NUDT4: variants seen among roughly 807,000 people sequenced by gnomAD.
NUDT4 encodes diphosphoinositol polyphosphate phosphohydrolase 2.
In NUDT4, 5 loss-of-function variants were observed where a neutral mutation model predicts 23.1. The ratio of observed to expected loss-of-function variants is 0.22; its 90% CI spans 0.11 to 0.46. NUDT4 has a LOEUF of 0.46. Among genes scored for constraint, NUDT4 ranks in the 20% least tolerant of loss-of-function variants. The probability of loss-of-function intolerance (pLI) is 0.99; values close to 1 mark genes in which losing one functional copy is unlikely to be tolerated. For synonymous variants in NUDT4, 50 were observed against 79.0 expected, an observed-to-expected ratio of 0.63 and a Z score of 1.95; for missense variants, 96 against 211.6, an observed-to-expected ratio of 0.45 and a Z score of 3.39.
At position 93,407,849 on chromosome 12, in the gene NUDT4, C is replaced by T. The variant is rs996466790; in HGVS notation, c.*8470C>T. On this transcript the variant is annotated 3_prime_UTR_variant, in exon 5 of 5. Coordinates refer to ENST00000415493, the MANE Select transcript of NUDT4 (RefSeq NM_019094.6). Reference sequence around the variant, plus strand: ...AAGGCTCAGTCAACACACTGGCACTCGTTTCATCCCACTGGTTGAGAAAGC... The same window carrying T: ...AAGGCTCAGTCAACACACTGGCACTTGTTTCATCCCACTGGTTGAGAAAGC... 2 of 152,118 alleles carry T rather than the reference C, an allele frequency of 1.3e-5. No individual in the cohort carries two copies. Among genetic ancestry groups the T allele is most frequent in the African/African-American group, 4.8e-5 (2 of 41,414 alleles). The allele number at this position is 152,118 out of a possible 1,614,324, so 9.4% of individuals were successfully genotyped here.
intron 1 of NUDT4, among the ~76,000 whole-genome samples, chr12:93,388,469 C>T (rs911539741): frequency 1.3e-4 from 20 of 152,162 alleles, no homozygotes; most frequent in African/African-American, 3.9e-4. Flanking sequence ...AGATAAGGAA[C>T]AAAATCAGCA....
chr12:93,407,565 G>C lies in NUDT4; in HGVS notation c.*8186G>C, dbSNP rs576250034. 21 of 152,360 alleles carry C rather than the reference G, an allele frequency of 1.4e-4. No individual in the cohort carries two copies. Among genetic ancestry groups the C allele is most frequent in the African/African-American group, 4.8e-4 (20 of 41,586 alleles). 9.4% of individuals were successfully genotyped at this position (152,360 alleles called of 1,614,324 possible). On this transcript the variant is annotated 3_prime_UTR_variant, in exon 5 of 5. Coordinates refer to ENST00000415493, the MANE Select transcript of NUDT4 (RefSeq NM_019094.6). ...ACAATGACATGCTCTTAGGGTGTCT[G>C]CTACTCAGATCCTCTCAGTTAAGTC... is the stretch of plus-strand genomic sequence containing the variant.
At chr12:93,378,834 C>T in intron 1 of NUDT4, 1 of 975,746 alleles carries the variant, frequency 1.0e-6, no homozygotes, top group Non-Finnish European at 1.2e-6. Flanking sequence ...TACATATTTT[C>T]CTTCCATGTT....
chr12:93,387,665 CT>C (rs1377859825), intron 1 of NUDT4, among the ~76,000 whole-genome samples: 3 of 152,250 alleles, frequency 2.0e-5, no homozygotes, highest in Non-Finnish European at 2.9e-5. Context: ...GTGATACCAA[CT>C]TTTTTTCATC....
chr12:93,382,674 C>CTTTTTTTTTTTTTTTTT lies in NUDT4; in HGVS notation c.99+4257_99+4273dup, dbSNP rs11315217. ...AAAATAAGTACTATCCAAAGGTAGC[C>CTTTTTTTTTTTTTTTTT]TTTTTTTTTTTTTTTTTTTTGAGAC... On this transcript the variant is annotated intron_variant, in intron 1 of 4. Coordinates refer to ENST00000415493, the MANE Select transcript of NUDT4 (RefSeq NM_019094.6). Among the ~76,000 whole-genome samples the CTTTTTTTTTTTTTTTTT allele has an allele frequency of 9.5e-4, 106 of 111,642 alleles. 7 individuals are homozygous for CTTTTTTTTTTTTTTTTT. The highest frequency in any genetic ancestry group is 9.2e-3 in the Middle Eastern group (2 of 218). The allele number at this position is 111,642 out of a possible 152,430, so 73.2% of individuals were successfully genotyped here.
intron 1 of NUDT4, among the ~76,000 whole-genome samples, chr12:93,381,481 A>G (rs1875656280): frequency 2.0e-5 from 3 of 152,236 alleles, no homozygotes; most frequent in Admixed American, 2.0e-4. Context: ...TTAAAAGGGG[A>G]TGAAGAGATG....
rs1262850746 is a variant in NUDT4 at position 93,378,270 on chromosome 12, G to A, written c.-53G>A. ...CTCCCCGGCGGGGTGGCGGCGGCCGGGCCCCCACGGCGGCGGCCGGAGCAG... is the reference window on the plus strand; with the variant it reads ...CTCCCCGGCGGGGTGGCGGCGGCCGAGCCCCCACGGCGGCGGCCGGAGCAG... On this transcript the variant is annotated 5_prime_UTR_variant, in exon 1 of 5. Coordinates refer to ENST00000415493, the MANE Select transcript of NUDT4 (RefSeq NM_019094.6). 2 of 721,176 alleles carry A rather than the reference G, an allele frequency of 2.8e-6. No homozygotes were observed. The highest frequency in any genetic ancestry group is 8.6e-5 in the East Asian group (2 of 23,264). The allele number at this position is 721,176 out of a possible 1,614,324, so 44.7% of individuals were successfully genotyped here.
chr12:93,385,658 G>A (rs1876004438), intron 1 of NUDT4, among the ~76,000 whole-genome samples: 1 of 148,698 alleles, frequency 6.7e-6, no homozygotes, highest in Admixed American at 6.7e-5. Flanking sequence ...TGTGTAGATG[G>A]CTGTTGTGTG....
intron 4 of NUDT4, 22 bp from the exon 5 acceptor site, chr12:93,399,155 C>T (rs1361729973): frequency 3.2e-6 from 5 of 1,576,858 alleles, no homozygotes; most frequent in Non-Finnish European, 3.5e-6. Flanking sequence ...TGTCTTGTAA[C>T]CAATGTCATT....
chr12:93,397,115 C>A (rs949175420), intron 3 of NUDT4, among the ~76,000 whole-genome samples: 1 of 152,108 alleles, frequency 6.6e-6, no homozygotes, highest in East Asian at 1.9e-4. Context: ...TAACAGCACA[C>A]GTCAATCAAA....
intron 1 of NUDT4, among the ~76,000 whole-genome samples, chr12:93,387,371 A>G (rs1365438664): frequency 2.6e-5 from 4 of 152,216 alleles, no homozygotes; most frequent in Non-Finnish European, 5.9e-5. Context: ...TTCAACAGAA[A>G]AGCTGTAATT....
intron 3 of NUDT4, among the ~76,000 whole-genome samples, chr12:93,398,278 T>C (rs146173764): frequency 5.5e-5 from 8 of 144,242 alleles, no homozygotes; most frequent in Non-Finnish European, 1.2e-4. Context: ...AGGCAGAGAT[T>C]GTGGGGGAGC....
chr12:93,395,872 C>A (rs1484611344), intron 3 of NUDT4, among the ~76,000 whole-genome samples: 1 of 152,188 alleles, frequency 6.6e-6, no homozygotes, highest in East Asian at 1.9e-4. Context: ...AGGCACGCGC[C>A]ACCACGCCCA....
At chr12:93,396,840 G>T (rs1156388991) in intron 3 of NUDT4, among the ~76,000 whole-genome samples, 3 of 152,194 alleles carry the variant, frequency 2.0e-5, no homozygotes, top group African/African-American at 7.2e-5. Context: ...AACCCGGGAG[G>T]TGGAGGTTGC....
In NUDT4 at chr12:93,378,354, C is replaced by T. The variant is rs925439663; in HGVS notation, c.32C>T (p.Thr11Ile). 1.3e-6 allele frequency: 2 copies of T among 1,527,834 alleles called. No individual in the cohort carries two copies. The highest frequency in any genetic ancestry group is 1.8e-6 in the Non-Finnish European group (2 of 1,131,276). 94.6% of individuals were successfully genotyped at this position (1,527,834 alleles called of 1,614,324 possible). MMKFKPNQTR[T>I]YDREGFKKRA... ...AAGTTCAAGCCCAACCAGACGCGGA[C>T]CTACGACCGCGAGGGCTTCAAGAAG... Residue 11 changes from threonine (T) to isoleucine (I), a missense_variant, in exon 1 of 5, where the codon ACC becomes ATC. By Grantham distance (89) the Thr-to-Ile change is moderately conservative. Coordinates refer to ENST00000415493, the MANE Select transcript of NUDT4 (RefSeq NM_019094.6).
chr12:93,378,438 C>G lies in NUDT4; in HGVS notation c.99+17C>G. 1 of 1,538,314 alleles carries G rather than the reference C, an allele frequency of 6.5e-7. No homozygotes were observed. Among genetic ancestry groups the G allele is most frequent in the Non-Finnish European group, 8.8e-7 (1 of 1,140,282 alleles). ...GAGGACGAGGTAGGGCGCCCGGCGCCGCACGCTGCCCTCCGGGGCGCCGGG... is the reference window on the plus strand; with the variant it reads ...GAGGACGAGGTAGGGCGCCCGGCGCGGCACGCTGCCCTCCGGGGCGCCGGG... On this transcript the variant is annotated intron_variant, in intron 1 of 4. Coordinates refer to ENST00000415493, the MANE Select transcript of NUDT4 (RefSeq NM_019094.6).
intron 1 of NUDT4, among the ~76,000 whole-genome samples, chr12:93,391,867 A>T (rs1876532178): frequency 6.6e-6 from 1 of 152,150 alleles, no homozygotes; most frequent in African/African-American, 2.4e-5. Context: ...ACTTTTGTTC[A>T]AATTGACTTA....
chr12:93,383,133 A>G (rs1875810431), intron 1 of NUDT4, among the ~76,000 whole-genome samples: 1 of 151,994 alleles, frequency 6.6e-6, no homozygotes, highest in Non-Finnish European at 1.5e-5. Flanking sequence ...ATTGAAAAAA[A>G]GCTTATACCC....
intron 1 of NUDT4, among the ~76,000 whole-genome samples, chr12:93,393,818 T>G (rs1418753195): frequency 6.6e-6 from 1 of 152,216 alleles, no homozygotes; most frequent in Non-Finnish European, 1.5e-5. Context: ...GTATCAAGAA[T>G]CGTCTTTATG....
Sources: allele counts gnomAD v4.1 joint callset (sites outside exome capture counted in the v4.1 genomes callset), GRCh38; gene constraint gnomAD v4.1.1; transcripts MANE v1.5; gene names NCBI Gene and HGNC (gene_info 2026-07-23, HGNC 2026-07-21).